Variants in CATSPERT observed in about 807,000 individuals in gnomAD.
The protein encoded by CATSPERT is catsper channel auxiliary subunit tau.
chr2:201,589,828 A>C, the CATSPERT span, among the ~76,000 whole-genome samples: 1 of 152,080 alleles, frequency 6.6e-6, no homozygotes, highest in Non-Finnish European at 1.5e-5. Flanking sequence ...CAACCTAAAG[A>C]ATGGGGGAAA....
the CATSPERT span, among the ~76,000 whole-genome samples, chr2:201,588,173 T>G: frequency 6.6e-6 from 1 of 151,036 alleles, no homozygotes; most frequent in African/African-American, 2.4e-5. Context: ...TGATGAAAAC[T>G]TGGCAGAGAT....
the CATSPERT span, chr2:201,582,251 A>G: frequency 4.5e-6 from 7 of 1,562,330 alleles, no homozygotes; most frequent in Non-Finnish European, 5.2e-6. Flanking sequence ...AAGAAGCATT[A>G]AATTTGAGCC....
chr2:201,499,831 T>G, the CATSPERT span, among the ~76,000 whole-genome samples: 1 of 147,582 alleles, frequency 6.8e-6, no homozygotes, highest in Non-Finnish European at 1.5e-5. Flanking sequence ...AGACCCTGTC[T>G]AAAAAAAATT....
At chr2:201,511,855 A>AC in the CATSPERT span, 5 of 150,222 alleles carry the variant, frequency 3.3e-5, no homozygotes, top group East Asian at 1.9e-4. Flanking sequence ...TAAAAAAAAA[A>AC]AAAAAAAAAA....
the CATSPERT span, among the ~76,000 whole-genome samples, chr2:201,601,363 A>G: frequency 1.3e-5 from 2 of 151,698 alleles, no homozygotes; most frequent in African/African-American, 4.8e-5. Context: ...AAATAATTAG[A>G]GACAAAGGGG....
At chr2:201,602,022 C>T in the CATSPERT span, 1 of 604,428 alleles carries the variant, frequency 1.7e-6, no homozygotes, top group Non-Finnish European at 2.6e-6. Flanking sequence ...AAAAAGTATT[C>T]TAAAATAGTA....
chr2:201,613,364 A>C, the CATSPERT span, among the ~76,000 whole-genome samples: 1 of 152,206 alleles, frequency 6.6e-6, no homozygotes, highest in Non-Finnish European at 1.5e-5. Flanking sequence ...TTCCAGAAGA[A>C]GGATCAGACA....
the CATSPERT span, among the ~76,000 whole-genome samples, chr2:201,563,156 C>T: frequency 1.6e-5 from 1 of 60,646 alleles, no homozygotes; most frequent in Non-Finnish European, 3.7e-5. Flanking sequence ...TGACCCCCCA[C>T]CTCCCTCCCG....
the CATSPERT span, among the ~76,000 whole-genome samples, chr2:201,528,815 G>A: frequency 1.1e-4 from 17 of 152,028 alleles, no homozygotes; most frequent in African/African-American, 3.1e-4. Context: ...TACAATATTT[G>A]CTACCTGGGT....
the CATSPERT span, among the ~76,000 whole-genome samples, chr2:201,521,423 GAGAC>G: frequency 2.8e-5 from 3 of 108,446 alleles, no homozygotes; most frequent in African/African-American, 2.9e-5. Flanking sequence ...GCAGGAGAGA[GAGAC>G]AGACAGAGAG....
At chr2:201,573,488 T>A in the CATSPERT span, among the ~76,000 whole-genome samples, 40 of 152,168 alleles carry the variant, frequency 2.6e-4, no homozygotes, top group Non-Finnish European at 5.1e-4. Flanking sequence ...CAAGTGATCC[T>A]CCGGCTTCAG....
the CATSPERT span, chr2:201,494,564 G>A: frequency 6.5e-7 from 1 of 1,536,914 alleles, no homozygotes; most frequent in African/African-American, 1.4e-5. Flanking sequence ...TTAGGGTCAT[G>A]GGCCCAGGTT....
chr2:201,491,390 C>T, the CATSPERT span: 2 of 1,537,086 alleles, frequency 1.3e-6, no homozygotes, highest in Non-Finnish European at 1.7e-6. Flanking sequence ...TTCTCATCTT[C>T]TACAACCTTA....
the CATSPERT span, among the ~76,000 whole-genome samples, chr2:201,560,885 C>T: frequency 4.6e-5 from 7 of 151,990 alleles, no homozygotes; most frequent in South Asian, 2.1e-4. Flanking sequence ...CAGGTTCCAA[C>T]GATTCTCCTG....
At chr2:201,614,612 A>T in the CATSPERT span, among the ~76,000 whole-genome samples, 3 of 152,226 alleles carry the variant, frequency 2.0e-5, no homozygotes, top group Non-Finnish European at 4.4e-5. Context: ...AACATGCCAA[A>T]TTGTAAAGAC....
At chr2:201,513,092 TAAAAAA>T in the CATSPERT span, among the ~76,000 whole-genome samples, 5 of 138,928 alleles carry the variant, frequency 3.6e-5, no homozygotes, top group African/African-American at 1.3e-4. Context: ...AATAATAAAA[TAAAAAA>T]AAAGAAAAAT....
At chr2:201,611,002 G>T in the CATSPERT span, among the ~76,000 whole-genome samples, 2 of 152,112 alleles carry the variant, frequency 1.3e-5, no homozygotes, top group East Asian at 3.8e-4. Context: ...TATAACAAAT[G>T]CCTGGCTAAC....
the CATSPERT span, among the ~76,000 whole-genome samples, chr2:201,581,177 G>A: frequency 2.0e-5 from 3 of 151,406 alleles, no homozygotes; most frequent in South Asian, 2.1e-4. Flanking sequence ...AGGCTGAGGC[G>A]GGCAGATTAT....
the CATSPERT span, among the ~76,000 whole-genome samples, chr2:201,576,220 C>T: frequency 6.6e-6 from 1 of 152,048 alleles, no homozygotes. Flanking sequence ...GGCACTTTGC[C>T]AACAAGGATA....
Sources: allele counts gnomAD v4.1 joint callset (sites outside exome capture counted in the v4.1 genomes callset), GRCh38; gene constraint gnomAD v4.1.1; transcripts MANE v1.5; gene names NCBI Gene and HGNC (gene_info 2026-07-23, HGNC 2026-07-21).